The following ZSCAN32 variants were observed in gnomAD, a reference collection of about 807,000 sequenced individuals.
The protein encoded by ZSCAN32 is zinc finger and SCAN domain-containing protein 32.
Under a neutral mutation model 47.4 loss-of-function variants are expected in ZSCAN32, and 52 were observed. The ratio of observed to expected loss-of-function variants is 1.10; its 90% CI spans 0.88 to 1.38. ZSCAN32 has a LOEUF of 1.38. Ranked by LOEUF, ZSCAN32 falls within the 40% of genes most tolerant of loss-of-function variation. The pLI is 0.00. For synonymous variants in ZSCAN32, 346 were observed against 305.7 expected (o/e 1.13, Z -1.38); for missense variants, 959 against 846.0 (o/e 1.13, Z -1.66).
chr16:3,397,116 CA>C, intron 2 of ZSCAN32, 75 bp downstream of exon 2: 1 of 1,459,232 alleles, frequency 6.9e-7, no homozygotes. Flanking sequence ...GTTTCTCAAC[CA>C]AGCACCTCTC....
At position 3,383,898 on chromosome 16, in the gene ZSCAN32, A is replaced by G. The variant is rs1015303877; in HGVS notation, c.1235-187T>C. On this transcript the variant is annotated intron_variant, in intron 6 of 6. Transcript: ENST00000396852. ...TTTTTGAGCTCCAAATTATTACAGGAAAATTATGCCCTAAACTCCAACTTT... is the reference window on the plus strand; with the variant it reads ...TTTTTGAGCTCCAAATTATTACAGGGAAATTATGCCCTAAACTCCAACTTT... 7.0e-6 allele frequency: 5 copies of G among 713,926 alleles called. No homozygotes were observed. In the African/African-American group the frequency reaches 9.1e-5, roughly 13 times the overall value. The allele number at this position is 713,926 out of a possible 1,614,324, so 44.2% of individuals were successfully genotyped here. A position where few individuals can be genotyped will look rare whatever the true frequency, so the allele number is the denominator to read the frequency against.
chr16:3,396,749 C>A (rs1596234512), intron 2 of ZSCAN32, among the ~76,000 whole-genome samples: 1 of 152,234 alleles, frequency 6.6e-6, no homozygotes, highest in Admixed American at 6.5e-5. Flanking sequence ...AAACTGAACA[C>A]TTAATCCCGG....
chr16:3,389,089 A>G (rs2032351468), intron 5 of ZSCAN32, among the ~76,000 whole-genome samples: 1 of 152,246 alleles, frequency 6.6e-6, no homozygotes, highest in Non-Finnish European at 1.5e-5. Flanking sequence ...AGTAATACAA[A>G]TCTCAATACA....
intron 6 of ZSCAN32, 48 bp from the exon 7 acceptor site, chr16:3,383,759 A>G: frequency 3.3e-6 from 5 of 1,522,624 alleles, no homozygotes; most frequent in Non-Finnish European, 4.4e-6. Context: ...TAGAGAAGGA[A>G]AACAATGGAA....
At chr16:3,384,188 A>G in intron 6 of ZSCAN32, 2 of 575,262 alleles carry the variant, frequency 3.5e-6, no homozygotes, top group East Asian at 5.8e-5. Context: ...CCTGGTCTGG[A>G]GGCCTAACCA....
rs1439629055 is a variant in ZSCAN32, at chr16:3,384,582, C to T, written c.1111G>A (p.Gly371Arg). Residue 371 changes from glycine to arginine, a missense_variant, in exon 6 of 7, where the codon GGG (glycine) becomes AGG (arginine). Coordinates refer to ENST00000396852, the MANE Select transcript of ZSCAN32 (RefSeq NM_001284527.2). ...CCATCTTCTACCTCCGTGGGTTCCCCATTCTGGTGATTCAGCTCTCCAGCC... is the reference window on the plus strand; with the variant it reads ...CCATCTTCTACCTCCGTGGGTTCCCTATTCTGGTGATTCAGCTCTCCAGCC... The part of the protein sequence containing the change: ...IEAGELNHQN[G>R]EPTEVEDGTV... 4 of 1,614,074 alleles carry T rather than the reference C, an allele frequency of 2.5e-6. No homozygotes were observed. In the South Asian group the frequency reaches 4.4e-5, roughly 18 times the overall value.
chr16:3,385,558 A>G (rs967123733), intron 5 of ZSCAN32, among the ~76,000 whole-genome samples: 1 of 152,248 alleles, frequency 6.6e-6, no homozygotes, highest in Non-Finnish European at 1.5e-5. Context: ...ACAAGGCTAC[A>G]GTAACCAAAA....
In ZSCAN32 at chr16:3,382,895, A is replaced by C; in HGVS notation, c.2051T>G (p.Met684Arg). Residue 684 changes from methionine to arginine, a missense_variant, in exon 7 of 7, where the codon ATG becomes AGG. By Grantham distance (91) the Met-to-Arg change is moderately conservative. Transcript: ENST00000396852. ...TTCCTGTGATGAGAGTACTGCTTTC[A>C]TGTGTACTGTCTGATGACGGGTGAG... ...SALTRHQTVH[M>R]KAVLSSQEGR... The C allele has an allele frequency of 6.2e-7, 1 of 1,600,318 alleles. No homozygotes were observed. Among genetic ancestry groups the C allele is most frequent in the South Asian group, 1.1e-5 (1 of 89,874 alleles).
chr16:3,387,704 A>G (rs1244268804), intron 5 of ZSCAN32, among the ~76,000 whole-genome samples: 1 of 152,142 alleles, frequency 6.6e-6, no homozygotes, highest in African/African-American at 2.4e-5. Context: ...TCCACTCTGG[A>G]CCTTCTACGG....
intron 3 of ZSCAN32, among the ~76,000 whole-genome samples, chr16:3,392,355 C>T (rs1047221833): frequency 3.4e-5 from 5 of 148,984 alleles, no homozygotes; most frequent in African/African-American, 1.2e-4. Flanking sequence ...TGTTATGTGA[C>T]CTTCACCTCA....
At chr16:3,398,838 G>C (rs1047502829) in intron 1 of ZSCAN32, among the ~76,000 whole-genome samples, 5 of 152,124 alleles carry the variant, frequency 3.3e-5, no homozygotes, top group African/African-American at 9.7e-5. Flanking sequence ...CACACACAAC[G>C]TGGATAAGTG....
At position 3,384,928 on chromosome 16, in the gene ZSCAN32, G is replaced by A. The variant is rs763804776; in HGVS notation, c.765C>T (p.Pro255=). 6 of 1,611,862 alleles carry A rather than the reference G, an allele frequency of 3.7e-6. No individual in the cohort carries two copies. The East Asian group carries it at 8.9e-5, about 24-fold the overall frequency. Residue 255 remains proline, a synonymous_variant, in exon 6 of 7, where the codon CCC becomes CCT. Transcript: ENST00000396852. The part of the protein sequence containing the change: ...DSHVSLATGV[P]WGYEETKTLL... ...GCGTCTTGGTCTCTTCATAGCCCCA[G>A]GGCACACCTGTTGCTGGGGGACAAA...
chr16:3,388,533 A>G (rs1276518652), intron 5 of ZSCAN32, among the ~76,000 whole-genome samples: 1 of 152,208 alleles, frequency 6.6e-6, no homozygotes, highest in South Asian at 2.1e-4. Flanking sequence ...CCCACAGGGC[A>G]GGAATCTTTA....
intron 6 of ZSCAN32, chr16:3,384,202 G>A (rs2031641341): frequency 3.4e-6 from 2 of 590,172 alleles, no homozygotes; most frequent in Non-Finnish European, 5.9e-6. Context: ...CTAACCAGCA[G>A]TCTGACAATG....
chr16:3,390,187 G>T, intron 4 of ZSCAN32, 54 bp from the exon 5 acceptor site: 1 of 1,526,680 alleles, frequency 6.6e-7, no homozygotes, highest in East Asian at 2.4e-5. Context: ...CTCTAGCCTG[G>T]GGTGGGGGCA....
chr16:3,397,814 TCCTATC>T, intron 1 of ZSCAN32, 70 bp from the exon 2 acceptor site: 2 of 393,542 alleles, frequency 5.1e-6, no homozygotes, highest in Non-Finnish European at 9.1e-6. Context: ...GTGATTTACT[TCCTATC>T]CCTTTCCTTT....
chr16:3,392,095 T>C (rs1008318289), intron 3 of ZSCAN32, among the ~76,000 whole-genome samples: 1 of 152,210 alleles, frequency 6.6e-6, no homozygotes, highest in Non-Finnish European at 1.5e-5. Flanking sequence ...AAAGTACTGA[T>C]ACATGCTCAA....
chr16:3,387,389 C>A (rs550827058), intron 5 of ZSCAN32, among the ~76,000 whole-genome samples: 14 of 152,310 alleles, frequency 9.2e-5, no homozygotes, highest in Admixed American at 2.6e-4. Flanking sequence ...TCCTGTCATC[C>A]TTGTAGATAC....
chr16:3,391,148 C>T (rs1213239519), intron 3 of ZSCAN32, among the ~76,000 whole-genome samples: 1 of 152,124 alleles, frequency 6.6e-6, no homozygotes, highest in Non-Finnish European at 1.5e-5. Context: ...AGGTATGTGA[C>T]CCTTCGGGAG....
Sources: gnomAD v4.1 joint callset for allele counts (sites outside exome capture counted in the v4.1 genomes callset) on GRCh38, gnomAD v4.1.1 for gene constraint, MANE v1.5 for transcripts, NCBI Gene and HGNC (gene_info 2026-07-23, HGNC 2026-07-21) for gene names.